FBXL13: variants seen among roughly 807,000 people sequenced by gnomAD.
The protein encoded by FBXL13 is F-box and leucine-rich repeat protein 13.
Under a neutral mutation model 83.6 loss-of-function variants are expected in FBXL13, and 67 were observed. The observed-to-expected ratio is 0.80, with a 90% CI of 0.66 to 0.98. FBXL13 has a LOEUF of 0.98. FBXL13 is among the 50% of genes least tolerant of loss of function. The probability of loss-of-function intolerance (pLI) is 0.00; values close to 1 mark genes in which losing one functional copy is unlikely to be tolerated. For synonymous variants in FBXL13, 272 were observed against 299.5 expected, an observed-to-expected ratio of 0.91 and a Z score of 0.95; for missense variants, 822 against 866.5, an observed-to-expected ratio of 0.95 and a Z score of 0.64.
At chr7:102,944,173 C>T in intron 8 of FBXL13, 1 of 1,549,526 alleles carries the variant, frequency 6.5e-7, no homozygotes, top group Non-Finnish European at 8.7e-7. Flanking sequence ...TGTATTAACT[C>T]AATTACTCAG....
At chr7:102,887,410 T>TAC (rs1413137582) in intron 11 of FBXL13, among the ~76,000 whole-genome samples, 1 of 142,212 alleles carries the variant, frequency 7.0e-6, no homozygotes, top group East Asian at 2.4e-4. Flanking sequence ...TATATATACA[T>TAC]ACATACACAC....
intron 18 of FBXL13, 143 bp from the exon 20 acceptor site, chr7:102,822,346 G>T: frequency 1.2e-6 from 1 of 832,830 alleles, no homozygotes; most frequent in Non-Finnish European, 2.0e-6. Flanking sequence ...AGTTCTAGAG[G>T]CTGGGAAGTC....
chr7:103,011,228 A>G (rs1791578602), intron 6 of FBXL13, among the ~76,000 whole-genome samples: 1 of 152,234 alleles, frequency 6.6e-6, no homozygotes, highest in South Asian at 2.1e-4. Flanking sequence ...AGAATAAAGA[A>G]TAAGGATAGG....
intron 16 of FBXL13, among the ~76,000 whole-genome samples, chr7:102,861,434 C>T: frequency 6.6e-6 from 1 of 151,990 alleles, no homozygotes; most frequent in African/African-American, 2.4e-5. Context: ...CAAAAATACT[C>T]CTGAATTATT....
chr7:102,937,687 A>G (rs1820598688), intron 8 of FBXL13, among the ~76,000 whole-genome samples: 2 of 152,170 alleles, frequency 1.3e-5, no homozygotes, highest in South Asian at 4.1e-4. Flanking sequence ...TCCCTTTGGT[A>G]GTGCCTGCCA....
intron 6 of FBXL13, among the ~76,000 whole-genome samples, chr7:103,004,652 T>G (rs981551470): frequency 6.6e-6 from 1 of 152,168 alleles, no homozygotes; most frequent in African/African-American, 2.4e-5. Flanking sequence ...CAATTTCACT[T>G]TTTCCAGTGT....
At chr7:103,004,559 C>A (rs1231126594) in intron 6 of FBXL13, among the ~76,000 whole-genome samples, 1 of 152,174 alleles carries the variant, frequency 6.6e-6, no homozygotes, top group African/African-American at 2.4e-5. Context: ...TCCCTACAGG[C>A]ACTCACTATG....
chr7:102,888,715 TTTTG>T (rs1309503418), intron 11 of FBXL13, among the ~76,000 whole-genome samples: 1 of 152,110 alleles, frequency 6.6e-6, no homozygotes, highest in African/African-American at 2.4e-5. Context: ...GAGGTGGTTT[TTTTG>T]TTTGTTTTTG....
chr7:102,860,432 C>T (rs749768543), intron 16 of FBXL13, among the ~76,000 whole-genome samples: 9 of 152,002 alleles, frequency 5.9e-5, no homozygotes, highest in Non-Finnish European at 1.2e-4. Context: ...TGTTTCAGGC[C>T]GAAGAAATAG....
chr7:102,840,462 C>T (rs1802728017), intron 17 of FBXL13, among the ~76,000 whole-genome samples: 1 of 152,188 alleles, frequency 6.6e-6, no homozygotes, highest in South Asian at 2.1e-4. Flanking sequence ...GGGGGAATTC[C>T]TTAAGCTAAA....
rs182923730 is a variant in FBXL13 at position 102,885,350 on chromosome 7, G to T, written c.1009-1038C>A. Among the ~76,000 whole-genome samples, 474 of 152,122 alleles carry T rather than the reference G, an allele frequency of 3.1e-3. 5 individuals are homozygous for T. Among genetic ancestry groups the T allele is most frequent in the Admixed American group, 0.015 (235 of 15,278 alleles). ...TGGTACTCCATTGTGATTTTCATTT[G>T]CATCCCCTTAATGAATAATGATATG... On this transcript the variant is annotated intron_variant, in intron 11 of 19. Transcript: ENST00000313221.
chr7:102,878,542 C>A, intron 14 of FBXL13, 92 bp from the exon 16 acceptor site: 1 of 814,978 alleles, frequency 1.2e-6, no homozygotes, highest in Non-Finnish European at 1.7e-6. Context: ...CAATATATTT[C>A]TAAAATAGCA....
intron 6 of FBXL13, among the ~76,000 whole-genome samples, chr7:102,994,379 C>G (rs551276844): frequency 3.0e-4 from 45 of 150,290 alleles, no homozygotes; most frequent in African/African-American, 1.0e-3. Flanking sequence ...TGCTTTTTGT[C>G]TCATGAAATA....
chr7:102,853,619 CATCTGACAAAGGGCTAAT>C (rs1202146351), intron 17 of FBXL13, among the ~76,000 whole-genome samples: 2 of 152,104 alleles, frequency 1.3e-5, no homozygotes, highest in African/African-American at 4.8e-5. Context: ...GCAACCTACT[CATCTGACAAAGGGCTAAT>C]ATCCAGAATC....
intron 2 of FBXL13, among the ~76,000 whole-genome samples, chr7:103,030,895 C>T (rs749272562): frequency 6.6e-6 from 1 of 151,568 alleles, no homozygotes; most frequent in Non-Finnish European, 1.5e-5. Context: ...TTAAGAGTTT[C>T]TCTTCATAAA....
rs577783768 is a variant in FBXL13 at position 103,057,724 on chromosome 7, G to A, written c.-104-1977C>T. Reference sequence around the variant, plus strand: ...TTTTCCTTATGAGGTCCCCCCAAAAGAAGAAACTTCTTGTTAAAAGTGTCT... The same window carrying A: ...TTTTCCTTATGAGGTCCCCCCAAAAAAAGAAACTTCTTGTTAAAAGTGTCT... On this transcript the variant is annotated intron_variant, in intron 1 of 19. Transcript: ENST00000313221. Among the ~76,000 whole-genome samples, 51 of 152,126 alleles carry A rather than the reference G, an allele frequency of 3.4e-4. 1 individual carries two copies. The highest frequency in any genetic ancestry group is 7.2e-4 in the Non-Finnish European group (49 of 68,026).
chr7:102,837,905 CTG>C (rs750988326), intron 17 of FBXL13, among the ~76,000 whole-genome samples: 2 of 152,234 alleles, frequency 1.3e-5, no homozygotes, highest in Non-Finnish European at 2.9e-5. Context: ...TCTGCATTGA[CTG>C]TAACTTCTTG....
At chr7:103,072,824 T>A (rs1799106243) in intron 1 of FBXL13, among the ~76,000 whole-genome samples, 1 of 152,240 alleles carries the variant, frequency 6.6e-6, no homozygotes, top group Admixed American at 6.5e-5. Context: ...TCCCACTGAG[T>A]CCTTAGAGTC....
At position 103,045,131 on chromosome 7, in the gene FBXL13, G is replaced by A. The variant is rs188057290; in HGVS notation, c.-1+10513C>T. Among the ~76,000 whole-genome samples the A allele has an allele frequency of 7.2e-5, 11 of 152,346 alleles. No homozygotes were observed. In the East Asian group the frequency reaches 2.1e-3, roughly 29 times the overall value. On this transcript the variant is annotated intron_variant, in intron 2 of 19. Coordinates refer to ENST00000313221, the Ensembl canonical transcript of FBXL13. ...GACACAAAAAGGGAAATGATGTGCA[G>A]AAATTGGAAGTGAGGTACACAACAG...
Sources: gnomAD v4.1 joint callset for allele counts (sites outside exome capture counted in the v4.1 genomes callset) on GRCh38, gnomAD v4.1.1 for gene constraint, MANE v1.5 for transcripts, NCBI Gene and HGNC (gene_info 2026-07-23, HGNC 2026-07-21) for gene names.